Variants in NEK5 observed in about 807,000 individuals in gnomAD.
NEK5 encodes NIMA related kinase 5.
A neutral mutation model predicts 109.2 loss-of-function variants in NEK5; 88 were observed. That is an observed-to-expected ratio of 0.81 (90% CI 0.68 to 0.96). The LOEUF (loss-of-function observed/expected upper bound fraction) is 0.96. Ranked by LOEUF, NEK5 falls within the 40% of genes least tolerant of loss-of-function variation. The pLI is 0.00. For synonymous variants in NEK5, 283 were observed against 299.9 expected, an observed-to-expected ratio of 0.94 and a Z score of 0.58; for missense variants, 834 against 920.7, an observed-to-expected ratio of 0.91 and a Z score of 1.22.
chr13:52,064,710 T>C (rs1481629525), intron 21 of NEK5: 2 of 239,312 alleles, frequency 8.4e-6, no homozygotes, highest in Non-Finnish European at 1.6e-5. Context: ...GATTGAGAAA[T>C]CGGATGGTTG....
chr13:52,047,121 AGG>A lies in NEK5; in HGVS notation c.2228+2981_2228+2982del, dbSNP rs1412944956. The stretch of plus-strand genomic sequence containing the variant: ...ACACTGAGCAAGAGAATGGGGAAAT[AGG>A]CACTTCTAGATACTGATGTTAATAG... On this transcript the variant is annotated intron_variant, in intron 23 of 23. Coordinates refer to ENST00000684899, the MANE Select transcript of NEK5 (RefSeq NM_001365552.1). Among the ~76,000 whole-genome samples the A allele has an allele frequency of 3.9e-3, 591 of 152,318 alleles. 4 individuals carry two copies. The highest frequency in any genetic ancestry group is 0.013 in the African/African-American group (548 of 41,574).
chr13:52,096,242 T>G (rs955176291), intron 12 of NEK5, among the ~76,000 whole-genome samples: 2 of 151,976 alleles, frequency 1.3e-5, no homozygotes, highest in African/African-American at 4.8e-5. Context: ...ATACCAGGAG[T>G]GGGGTATTGT....
intron 12 of NEK5, among the ~76,000 whole-genome samples, chr13:52,096,263 C>T (rs1955413714): frequency 6.6e-6 from 1 of 152,036 alleles, no homozygotes; most frequent in Non-Finnish European, 1.5e-5. Context: ...ATAAAGATAC[C>T]TGAAAATGTG....
chr13:52,067,986 C>G (rs1954718041), intron 20 of NEK5, among the ~76,000 whole-genome samples: 2 of 152,160 alleles, frequency 1.3e-5, no homozygotes, highest in Non-Finnish European at 1.5e-5. Context: ...ACTACCATGC[C>G]TGGTCAACCA....
intron 4 of NEK5, among the ~76,000 whole-genome samples, chr13:52,113,932 C>T (rs576441108): frequency 6.6e-6 from 1 of 152,350 alleles, no homozygotes; most frequent in East Asian, 1.9e-4. Context: ...TCACCAGACA[C>T]TGAATCTGCC....
At position 52,112,333 on chromosome 13, in the gene NEK5, A is replaced by C; in HGVS notation, c.247T>G (p.Cys83Gly). Residue 83 changes from cysteine to glycine, a missense_variant, in exon 5 of 24, where the codon TGT becomes GGT. Cys to Gly is a radical substitution (Grantham distance 159, BLOSUM62 -3). Around this residue, in one of 2 missense-constraint regions of NEK5, gnomAD observed 777 missense variants for 824.7 expected, o/e 0.94. Coordinates refer to ENST00000684899, the MANE Select transcript of NEK5 (RefSeq NM_001365552.1). Reference sequence around the variant, plus strand: ...CTTTTCATGAGATCCCCTCCATCACAATATTCCATTACAATAAACAGCCTG... The same window carrying C: ...CTTTTCATGAGATCCCCTCCATCACCATATTCCATTACAATAAACAGCCTG... The part of the protein sequence containing the change: ...NGRLFIVMEY[C>G]DGGDLMKRIN... The C allele has an allele frequency of 6.2e-7, 1 of 1,610,018 alleles. No individual in the cohort carries two copies. Among genetic ancestry groups the C allele is most frequent in the Non-Finnish European group, 8.5e-7 (1 of 1,176,428 alleles).
rs1954339979 is a variant in NEK5 at position 52,034,514 on chromosome 13, T to G, written c.*2434A>C. ...CGATAACCTGACATGCTTTTTTTTT[T>G]TTTTTTTTTTTTTGAGACAGGGTCT... On this transcript the variant is annotated 3_prime_UTR_variant, in exon 24 of 24. Coordinates refer to ENST00000684899, the MANE Select transcript of NEK5 (RefSeq NM_001365552.1). 1 of 149,580 alleles carries G rather than the reference T, an allele frequency of 6.7e-6. No individual in the cohort carries two copies. The highest frequency in any genetic ancestry group is 2.5e-5 in the African/African-American group (1 of 40,182). 9.3% of individuals were successfully genotyped at this position (149,580 alleles called of 1,614,324 possible). A position where few individuals can be genotyped will look rare whatever the true frequency, so the allele number is the denominator to read the frequency against.
At chr13:52,103,008 G>C (rs1046166145) in intron 9 of NEK5, among the ~76,000 whole-genome samples, 6 of 152,032 alleles carry the variant, frequency 3.9e-5, no homozygotes, top group Admixed American at 3.9e-4. Flanking sequence ...TTTATCTCTT[G>C]CTTTTTAAAA....
intron 23 of NEK5, among the ~76,000 whole-genome samples, chr13:52,038,192 C>CT (rs1407515110): frequency 6.7e-6 from 1 of 149,610 alleles, no homozygotes; most frequent in Non-Finnish European, 1.5e-5. Flanking sequence ...CATGGTGGCG[C>CT]ACACTTGTAG....
At position 52,127,580 on chromosome 13, in the gene NEK5, T is replaced by G. The variant is rs757019537; in HGVS notation, c.-23+15A>C. The G allele has an allele frequency of 2.7e-6, 2 of 729,856 alleles. No individual in the cohort carries two copies. The highest frequency in any genetic ancestry group is 4.8e-6 in the Non-Finnish European group (2 of 413,804). The allele number at this position is 729,856 out of a possible 1,614,324, so 45.2% of individuals were successfully genotyped here. A position where few individuals can be genotyped will look rare whatever the true frequency, so the allele number is the denominator to read the frequency against. On this transcript the variant is annotated intron_variant, in intron 2 of 23. Coordinates refer to ENST00000684899, the MANE Select transcript of NEK5 (RefSeq NM_001365552.1). ...AAAGTCAGAAAACTGATGACTAAAG[T>G]GTAAAAGAACTCACTTAGCTAAAAC... is the stretch of plus-strand genomic sequence containing the variant.
chr13:52,072,834 T>G (rs1169787915), intron 19 of NEK5, among the ~76,000 whole-genome samples: 1 of 152,246 alleles, frequency 6.6e-6, no homozygotes, highest in African/African-American at 2.4e-5. Context: ...CATACTTATA[T>G]TGACTTAAAA....
chr13:52,090,305 G>A (rs1161654309), intron 13 of NEK5, among the ~76,000 whole-genome samples: 3 of 152,116 alleles, frequency 2.0e-5, no homozygotes, highest in African/African-American at 4.8e-5. Context: ...TTTGGAATAC[G>A]AGTAACTTCT....
chr13:52,096,384 C>T (rs1955417001), intron 12 of NEK5, among the ~76,000 whole-genome samples: 1 of 152,166 alleles, frequency 6.6e-6, no homozygotes, highest in African/African-American at 2.4e-5. Flanking sequence ...TTCTTAAAAT[C>T]ATAGTGACCA....
chr13:52,108,134 G>T (rs567870977), intron 8 of NEK5, among the ~76,000 whole-genome samples, 184 bp downstream of exon 8: 8 of 152,134 alleles, frequency 5.3e-5, no homozygotes, highest in African/African-American at 1.9e-4. Flanking sequence ...TCTCGTATTG[G>T]ACCGCGAGAA....
chr13:52,127,915 G>A (rs560728619), intron 1 of NEK5, among the ~76,000 whole-genome samples: 3 of 152,290 alleles, frequency 2.0e-5, no homozygotes, highest in Non-Finnish European at 4.4e-5. Flanking sequence ...TCTTAGTGGG[G>A]ACGTACTGCC....
At chr13:52,045,914 T>C (rs1236589321) in intron 23 of NEK5, among the ~76,000 whole-genome samples, 3 of 145,790 alleles carry the variant, frequency 2.1e-5, no homozygotes, top group Non-Finnish European at 4.5e-5. Context: ...CTACTAAAAA[T>C]ACAAAAATTA....
At chr13:52,105,338 A>T (rs1365851928) in intron 8 of NEK5, among the ~76,000 whole-genome samples, 1 of 152,056 alleles carries the variant, frequency 6.6e-6, no homozygotes, top group Non-Finnish European at 1.5e-5. Flanking sequence ...GGTAGTAAGT[A>T]CAATAGACGG....
chr13:52,049,054 C>T (rs2140906198), intron 23 of NEK5, among the ~76,000 whole-genome samples: 1 of 152,260 alleles, frequency 6.6e-6, no homozygotes, highest in African/African-American at 2.4e-5. Context: ...AGCTATTCCA[C>T]AATGTGTACA....
chr13:52,041,229 AT>A (rs913416714), intron 23 of NEK5, among the ~76,000 whole-genome samples: 5 of 152,222 alleles, frequency 3.3e-5, no homozygotes, highest in Non-Finnish European at 7.3e-5. Context: ...AGATGAAATT[AT>A]TTTTTATGGA....
Sources: gnomAD v4.1 joint callset for allele counts (sites outside exome capture counted in the v4.1 genomes callset) on GRCh38, gnomAD v4.1.1 for gene constraint, gnomAD v4.1.1 regional missense constraint, MANE v1.5 for transcripts, NCBI Gene and HGNC (gene_info 2026-07-23, HGNC 2026-07-21) for gene names.